EYS: variants seen among roughly 807,000 people sequenced by gnomAD.
EYS encodes EGF-like photoreceptor maintenance factor.
A neutral mutation model predicts 282.1 loss-of-function variants in EYS; 250 were observed. The ratio of observed to expected loss-of-function variants is 0.89; its 90% CI spans 0.80 to 0.98. The LOEUF is 0.98. Ranked by LOEUF, EYS falls within the 50% of genes least tolerant of loss-of-function variation. EYS has a pLI of 0.00. For synonymous variants in EYS, 1,355 were observed against 1,282.9 expected (o/e 1.06, Z -1.20); for missense variants, 4,016 against 3,709.0 (o/e 1.08, Z -2.15).
intron 31 of EYS, among the ~76,000 whole-genome samples, chr6:64,159,996 A>C (rs576409593): frequency 6.6e-6 from 1 of 152,234 alleles, no homozygotes; most frequent in Non-Finnish European, 1.5e-5. Context: ...TACAAATAAT[A>C]AAACTGAGGT....
chr6:64,602,185 C>T (rs1377775814), intron 24 of EYS, among the ~76,000 whole-genome samples: 2 of 151,964 alleles, frequency 1.3e-5, no homozygotes, highest in East Asian at 3.9e-4. Context: ...AGCCTATCTC[C>T]ATTCCATCCT....
Position 64,837,164 on chromosome 6 carries a change from T to C in EYS, c.2993-14342A>G, listed in dbSNP as rs559723697. Among the ~76,000 whole-genome samples the C allele has an allele frequency of 2.6e-5, 4 of 151,160 alleles. No homozygotes were observed. The South Asian group carries it at 8.3e-4, about 31-fold the overall frequency. On this transcript the variant is annotated intron_variant, in intron 19 of 42. Transcript: ENST00000503581. ...GTAGGCATTTTGTAATCTTTACTTTTTATGTTTTATCTGCAATTTCCATTT... is the reference window on the plus strand; with the variant it reads ...GTAGGCATTTTGTAATCTTTACTTTCTATGTTTTATCTGCAATTTCCATTT...
intron 35 of EYS, among the ~76,000 whole-genome samples, chr6:63,888,823 G>A (rs11752879): frequency 0.12 from 17,849 of 152,116 alleles, 1,279 homozygotes; most frequent in African/African-American, 0.19. Context: ...TTCAGAAGGT[G>A]GGTAATAACA....
chr6:65,583,379 G>A (rs752087930), intron 2 of EYS, among the ~76,000 whole-genome samples: 10 of 151,900 alleles, frequency 6.6e-5, no homozygotes, highest in Non-Finnish European at 1.2e-4. Context: ...TATGCTTTTC[G>A]TTAAGTAAGA....
chr6:65,309,068 T>TA (rs1769086650), intron 11 of EYS, among the ~76,000 whole-genome samples: 1 of 152,054 alleles, frequency 6.6e-6, no homozygotes, highest in South Asian at 2.1e-4. Flanking sequence ...CCTATAGGGT[T>TA]AAAAAAATTA....
intron 29 of EYS, among the ~76,000 whole-genome samples, chr6:64,342,757 A>AGGCACAGACT (rs1771177082): frequency 1.3e-5 from 2 of 150,154 alleles, no homozygotes; most frequent in Non-Finnish European, 3.0e-5. Flanking sequence ...TCCAATTAAA[A>AGGCACAGACT]GGCAAATTGG....
At chr6:65,432,488 G>A (rs778327706) in intron 5 of EYS, among the ~76,000 whole-genome samples, 2 of 152,074 alleles carry the variant, frequency 1.3e-5, no homozygotes, top group Non-Finnish European at 2.9e-5. Flanking sequence ...GGTTGCTCAG[G>A]TATGGGTATA....
chr6:64,095,080 A>G (rs974581972), intron 31 of EYS, among the ~76,000 whole-genome samples: 1 of 152,082 alleles, frequency 6.6e-6, no homozygotes, highest in African/African-American at 2.4e-5. Flanking sequence ...GAGTTTCTTA[A>G]TCCTGAGTTC....
intron 26 of EYS, among the ~76,000 whole-genome samples, chr6:64,560,009 C>T (rs1398820508): frequency 2.6e-5 from 4 of 151,996 alleles, no homozygotes; most frequent in African/African-American, 4.8e-5. Flanking sequence ...AGAACATTCA[C>T]GTACCACTCA....
At chr6:64,534,448 C>T (rs1754910901) in intron 26 of EYS, among the ~76,000 whole-genome samples, 1 of 151,990 alleles carries the variant, frequency 6.6e-6, no homozygotes, top group Non-Finnish European at 1.5e-5. Flanking sequence ...TCTTGTTTCT[C>T]AATAAGATCT....
At chr6:65,353,281 T>C (rs570376027) in intron 9 of EYS, among the ~76,000 whole-genome samples, 177 bp downstream of exon 9, 7 of 152,152 alleles carry the variant, frequency 4.6e-5, no homozygotes, top group East Asian at 3.9e-4. Context: ...TAGGATGTAG[T>C]TGGTGTTAAA....
intron 35 of EYS, among the ~76,000 whole-genome samples, chr6:63,978,254 C>T (rs575485283): frequency 1.5e-4 from 23 of 152,002 alleles, no homozygotes; most frequent in African/African-American, 2.6e-4. Context: ...AAGTTCTTAC[C>T]GAAAACCTGG....
chr6:64,445,647 C>T (rs1201892933), intron 26 of EYS, among the ~76,000 whole-genome samples: 1 of 152,172 alleles, frequency 6.6e-6, no homozygotes, highest in African/African-American at 2.4e-5. Flanking sequence ...ACTCCTGTCT[C>T]TCCACTCTGA....
At chr6:64,595,548 C>A (rs187199474) in intron 24 of EYS, among the ~76,000 whole-genome samples, 1 of 152,190 alleles carries the variant, frequency 6.6e-6, no homozygotes, top group East Asian at 1.9e-4. Context: ...CTAAAGACTC[C>A]ACCACAAAAT....
chr6:65,001,919 T>G lies in EYS; in HGVS notation c.2138-4216A>C, dbSNP rs763528197. Reference sequence around the variant, plus strand: ...ACATTAATATATTAAGTATTCAAATTTTACATTTCCCATAATATATTATGG... The same window carrying G: ...ACATTAATATATTAAGTATTCAAATGTTACATTTCCCATAATATATTATGG... On this transcript the variant is annotated intron_variant, in intron 13 of 42. Coordinates refer to ENST00000503581, the MANE Select transcript of EYS (RefSeq NM_001142800.2). Among the ~76,000 whole-genome samples, 6 of 147,046 alleles carry G rather than the reference T, an allele frequency of 4.1e-5. 2 individuals are homozygous for G. The highest frequency in any genetic ancestry group is 9.1e-5 in the Non-Finnish European group (6 of 65,892).
chr6:65,098,697 C>T (rs1320814464), intron 12 of EYS, among the ~76,000 whole-genome samples: 1 of 150,764 alleles, frequency 6.6e-6, no homozygotes, highest in Admixed American at 6.6e-5. Flanking sequence ...TCTGGTAGAA[C>T]AGCAACTAAA....
intron 26 of EYS, among the ~76,000 whole-genome samples, chr6:64,584,293 G>A (rs1046437838): frequency 3.3e-5 from 5 of 151,780 alleles, no homozygotes; most frequent in African/African-American, 1.2e-4. Flanking sequence ...AGAATAGGTT[G>A]TATACATGGT....
intron 2 of EYS, among the ~76,000 whole-genome samples, chr6:65,587,896 G>A (rs73742014): frequency 3.9e-5 from 6 of 152,000 alleles, no homozygotes; most frequent in Admixed American, 3.9e-4. Flanking sequence ...GAAGTTCCAA[G>A]ATTTGAAATT....
intron 12 of EYS, among the ~76,000 whole-genome samples, chr6:65,245,184 C>G (rs185301317): frequency 6.6e-6 from 1 of 152,102 alleles, no homozygotes; most frequent in East Asian, 1.9e-4. Flanking sequence ...AAACCTATTG[C>G]AGCAGCTCAG....
Sources: gnomAD v4.1 joint callset for allele counts (sites outside exome capture counted in the v4.1 genomes callset) on GRCh38, gnomAD v4.1.1 for gene constraint, MANE v1.5 for transcripts, NCBI Gene and HGNC (gene_info 2026-07-23, HGNC 2026-07-21) for gene names.